The following ZNF644 variants were observed in gnomAD, a reference collection of about 807,000 sequenced individuals.
ZNF644 encodes zinc finger motif enhancer binding protein 2.
ZNF644 carries 20 observed loss-of-function variants against 108.0 expected under a neutral mutation model. That is an observed-to-expected ratio of 0.19 (90% confidence interval 0.13 to 0.27). ZNF644 has a LOEUF of 0.27. ZNF644 is among the 10% of genes least tolerant of loss of function. The probability of loss-of-function intolerance (pLI) is 1.00; values close to 1 mark genes in which losing one functional copy is unlikely to be tolerated. For missense variants in ZNF644, 1,338 were observed against 1,548.9 expected (o/e 0.86, Z 2.29); for synonymous variants, 542 against 539.1 (o/e 1.01, Z -0.08).
rs1651776668 is a variant in ZNF644 at position 90,939,976 on chromosome 1, G to A, written c.1378C>T (p.Arg460Cys). ...CRECGRTFRD[R>C]NSLLKHMIIH... ...ATCATATGTTTTAGAAGTGAATTGC[G>A]ATCTCGAAATGTCCGTCCACATTCT... The change falls in exon 3 of 6, where the codon CGC becomes TGC. Residue 460 changes from arginine to cysteine, a missense_variant. This residue lies in a region of ZNF644 where 80 missense variants were observed against 183.0 expected (regional missense o/e 0.44). Coordinates refer to ENST00000337393, the MANE Select transcript of ZNF644 (RefSeq NM_201269.3). 6.2e-7 allele frequency: 1 copy of A among 1,613,938 alleles called. No individual in the cohort carries two copies. Among genetic ancestry groups the A allele is most frequent in the Non-Finnish European group, 8.5e-7 (1 of 1,179,932 alleles).
At chr1:90,963,991 A>G (rs886623475) in intron 2 of ZNF644, among the ~76,000 whole-genome samples, 3 of 152,208 alleles carry the variant, frequency 2.0e-5, no homozygotes, top group African/African-American at 7.2e-5. Context: ...AAAACAATAC[A>G]TTACACAAAT....
In ZNF644 at chr1:90,938,784, T is replaced by A; in HGVS notation, c.2570A>T (p.Asp857Val). Residue 857 changes from aspartate to valine, a missense_variant, in exon 3 of 6, where the codon GAT becomes GTT. Physicochemically the swap from Asp to Val is radical, Grantham distance 152 (BLOSUM62 -3). This residue lies in a region of ZNF644 where 462 missense variants were observed against 472.6 expected (regional missense o/e 0.98). Coordinates refer to ENST00000337393, the MANE Select transcript of ZNF644 (RefSeq NM_201269.3). The surrounding 1 kb of genome is among the most constrained non-coding windows in gnomAD (Gnocchi z 4.2). Reference protein sequence around the residue: ...AEKKDSYETEDESSWDNVELG... With the variant: ...AEKKDSYETEVESSWDNVELG... ...CTCAACATTATCCCAGGAACTTTCA[T>A]CTTCTGTTTCATAACTATCTTTCTT... 1 of 1,613,858 alleles carries A rather than the reference T, an allele frequency of 6.2e-7. No homozygotes were observed.
chr1:91,021,292 G>A (rs930065875), intron 1 of ZNF644: 2 of 152,954 alleles, frequency 1.3e-5, no homozygotes, highest in African/African-American at 2.4e-5. Context: ...TTACTTCCCA[G>A]GCACCTAGCC....
intron 1 of ZNF644, among the ~76,000 whole-genome samples, chr1:91,017,681 G>T (rs1483901562): frequency 6.6e-6 from 1 of 152,212 alleles, no homozygotes; most frequent in Non-Finnish European, 1.5e-5. Flanking sequence ...AGTAACTACT[G>T]CCAGGTGCGG....
Position 91,004,722 on chromosome 1 carries a change from T to G in ZNF644, c.-18+17268A>C, listed in dbSNP as rs193162445. 3.0e-3 allele frequency among the ~76,000 whole-genome samples: 452 copies of G among 152,262 alleles called. 1 individual carries two copies. The highest frequency in any genetic ancestry group is 6.2e-3 in the South Asian group (30 of 4,822). ...AGGAAGGAGAGGGAATAGAGCTATA[T>G]AGGAGCAAAATGTTTGTATATTATT... is the stretch of plus-strand genomic sequence containing the variant. On this transcript the variant is annotated intron_variant, in intron 1 of 5. Coordinates refer to ENST00000337393, the MANE Select transcript of ZNF644 (RefSeq NM_201269.3).
At chr1:90,943,334 G>A (rs997874695) in intron 2 of ZNF644, among the ~76,000 whole-genome samples, 1 of 152,062 alleles carries the variant, frequency 6.6e-6, no homozygotes, top group Non-Finnish European at 1.5e-5. Flanking sequence ...CCAGCTACTC[G>A]AGAGGCTGAG....
intron 2 of ZNF644, among the ~76,000 whole-genome samples, chr1:90,961,383 G>A (rs1053230614): frequency 2.0e-5 from 3 of 152,102 alleles, no homozygotes; most frequent in African/African-American, 7.2e-5. Flanking sequence ...TAGGACATGA[G>A]GTCTGAAAAG....
At chr1:90,997,077 T>C (rs185593651) in intron 1 of ZNF644, among the ~76,000 whole-genome samples, 3 of 152,212 alleles carry the variant, frequency 2.0e-5, no homozygotes, top group Admixed American at 1.3e-4. Context: ...AGGCAAACAA[T>C]AGACTAAAAG....
At chr1:90,932,106 G>GGAA (rs1650797293) in intron 4 of ZNF644, among the ~76,000 whole-genome samples, 1 of 152,086 alleles carries the variant, frequency 6.6e-6, no homozygotes, top group Admixed American at 6.6e-5. Flanking sequence ...AGGTATTTTG[G>GGAA]GAAGAAGAGG....
chr1:90,941,294 AT>A lies in ZNF644; in HGVS notation c.59del (p.Asn20MetfsTer10). On this transcript the variant is annotated frameshift_variant, in exon 3 of 6. Coordinates refer to ENST00000337393, the MANE Select transcript of ZNF644 (RefSeq NM_201269.3). LOFTEE classifies it high-confidence loss of function. ...NKTKSRLNVL[N>X]GLANNMDDLK... ...AATCATCCATATTGTTGGCAAGCCC[AT>A]TTAACACATTTAGTCTAGAAAATGG... The A allele has an allele frequency of 6.3e-7, 1 of 1,599,668 alleles. No individual in the cohort carries two copies. Among genetic ancestry groups the A allele is most frequent in the South Asian group, 1.1e-5 (1 of 87,074 alleles).
intron 4 of ZNF644, among the ~76,000 whole-genome samples, chr1:90,922,585 C>T (rs1479962406): frequency 6.6e-6 from 1 of 151,906 alleles, no homozygotes; most frequent in Admixed American, 6.6e-5. Context: ...AAACTCAACT[C>T]TTTTTTTTAA....
chr1:90,984,947 C>T (rs1656944821), intron 1 of ZNF644, among the ~76,000 whole-genome samples: 1 of 152,062 alleles, frequency 6.6e-6, no homozygotes. Flanking sequence ...TACTTGAATG[C>T]CATAGAACTG....
intron 1 of ZNF644, among the ~76,000 whole-genome samples, chr1:91,016,108 CTA>C (rs993368926): frequency 6.6e-6 from 1 of 152,118 alleles, no homozygotes; most frequent in Non-Finnish European, 1.5e-5. Context: ...AATTGTGATT[CTA>C]TGTGTGTGTG....
intron 2 of ZNF644, among the ~76,000 whole-genome samples, chr1:90,975,332 C>T (rs913174316): frequency 1.3e-5 from 2 of 152,044 alleles, no homozygotes; most frequent in Non-Finnish European, 2.9e-5. Context: ...ATTACAATCA[C>T]CAATTCATAA....
intron 4 of ZNF644, among the ~76,000 whole-genome samples, chr1:90,929,987 TA>T (rs1650539348): frequency 6.6e-6 from 1 of 152,118 alleles, no homozygotes; most frequent in South Asian, 2.1e-4. Context: ...TTCCAAAACG[TA>T]TCAAGAAAGT....
intron 1 of ZNF644, among the ~76,000 whole-genome samples, chr1:90,984,630 T>C (rs1364635150): frequency 6.6e-6 from 1 of 152,186 alleles, no homozygotes. Context: ...TGACCTCAAG[T>C]GATCCACCCG....
rs1376515816 is a variant in ZNF644 at position 90,939,128 on chromosome 1, G to C, written c.2226C>G (p.His742Gln). 6.2e-7 allele frequency: 1 copy of C among 1,613,686 alleles called. No individual in the cohort carries two copies. The highest frequency in any genetic ancestry group is 8.5e-7 in the Non-Finnish European group (1 of 1,179,864). ...TGATCATCCTATAGTTTTCATATTT[G>C]TGTCTATACAAATAGTGGCTATTTG... ...AKANSHYLYR[H>Q]KYENYRMIKK... The change falls in exon 3 of 6, where the codon CAC becomes CAG. Residue 742 changes from histidine (H) to glutamine (Q), a missense_variant. Coordinates refer to ENST00000337393, the MANE Select transcript of ZNF644 (RefSeq NM_201269.3).
chr1:90,972,783 A>T (rs1457490673), intron 2 of ZNF644: 1 of 152,216 alleles, frequency 6.6e-6, no homozygotes, highest in Non-Finnish European at 1.5e-5. Flanking sequence ...TGCAGACTTA[A>T]AATGGGAGGA....
chr1:90,989,879 G>A (rs576486408), intron 1 of ZNF644, among the ~76,000 whole-genome samples: 16 of 152,250 alleles, frequency 1.1e-4, no homozygotes, highest in African/African-American at 3.6e-4. Context: ...GTTCACAACA[G>A]CATTATTCAC....
Sources: allele counts gnomAD v4.1 joint callset (sites outside exome capture counted in the v4.1 genomes callset), GRCh38; gene constraint gnomAD v4.1.1; regional missense constraint gnomAD v4.1.1; non-coding constraint Gnocchi (gnomAD v3.1); transcripts MANE v1.5; gene names NCBI Gene and HGNC (gene_info 2026-07-23, HGNC 2026-07-21).